Variants in NEK11 observed in about 807,000 individuals in gnomAD.
The protein encoded by NEK11 is NIMA related kinase 11.
In NEK11, 72 loss-of-function variants were observed where a neutral mutation model predicts 80.7. The ratio of observed to expected loss-of-function variants is 0.89; its 90% CI spans 0.74 to 1.08. NEK11 has a LOEUF of 1.08. Ranked by LOEUF, NEK11 falls within the 50% of genes least tolerant of loss-of-function variation. NEK11 has a pLI of 0.00. For missense variants in NEK11, 764 were observed against 763.6 expected (o/e 1.00, Z -0.01); for synonymous variants, 251 against 260.7 (o/e 0.96, Z 0.36).
At chr3:131,196,164 C>T (rs1337316876) in intron 14 of NEK11, among the ~76,000 whole-genome samples, 1 of 151,918 alleles carries the variant, frequency 6.6e-6, no homozygotes, top group Non-Finnish European at 1.5e-5. Context: ...TTAAGATTTT[C>T]CAGAGATATG....
intron 17 of NEK11, among the ~76,000 whole-genome samples, chr3:131,332,078 T>G (rs934895779): frequency 2.0e-5 from 3 of 152,174 alleles, no homozygotes; most frequent in Non-Finnish European, 4.4e-5. Context: ...TCTGCAGAAT[T>G]AAACGTCCCG....
Position 131,338,265 on chromosome 3 carries a change from GGTT to G in NEK11, c.1719-11291_1719-11289del, listed in dbSNP as rs1355136858. On this transcript the variant is annotated intron_variant, in intron 17 of 17. Coordinates refer to ENST00000383366, the MANE Select transcript of NEK11 (RefSeq NM_024800.5). ...CAGGCATGAGCCACGGCGCCCAGCTGGTTTTTTTTTTTTTTTTTTTTTTTTTAA... is the reference window on the plus strand; with the variant it reads ...CAGGCATGAGCCACGGCGCCCAGCTGTTTTTTTTTTTTTTTTTTTTTTTAA... Among the ~76,000 whole-genome samples, 49 of 91,598 alleles carry G rather than the reference GGTT, an allele frequency of 5.3e-4. 2 individuals carry two copies. Among genetic ancestry groups the G allele is most frequent in the African/African-American group, 1.8e-3 (38 of 20,594 alleles). 60.1% of individuals were successfully genotyped at this position (91,598 alleles called of 152,430 possible). A position where few individuals can be genotyped will look rare whatever the true frequency, so the allele number is the denominator to read the frequency against.
chr3:131,329,513 C>CTAATGGGTGA (rs1243679476), intron 17 of NEK11: 2 of 151,036 alleles, frequency 1.3e-5, no homozygotes, highest in African/African-American at 4.9e-5. Flanking sequence ...ACCTTATATT[C>CTAATGGGTGA]TAATGGGTGA....
intron 4 of NEK11, among the ~76,000 whole-genome samples, chr3:131,105,013 T>C (rs1431518079): frequency 2.0e-5 from 3 of 152,216 alleles, no homozygotes; most frequent in African/African-American, 7.2e-5. Context: ...GTTGCTTCTT[T>C]GATGAATCAA....
At chr3:131,178,498 A>G (rs2093165636) in intron 14 of NEK11, among the ~76,000 whole-genome samples, 1 of 152,120 alleles carries the variant, frequency 6.6e-6, no homozygotes, top group Admixed American at 6.5e-5. Context: ...TAACTTTTGA[A>G]TTCTTTGTTA....
At chr3:131,095,755 G>T (rs915236124) in intron 4 of NEK11, among the ~76,000 whole-genome samples, 4 of 152,082 alleles carry the variant, frequency 2.6e-5, no homozygotes, top group Non-Finnish European at 4.4e-5. Context: ...AAGAAGAGAG[G>T]AAAAAATTCC....
intron 3 of NEK11, among the ~76,000 whole-genome samples, chr3:131,037,288 ATT>A (rs11391510): frequency 9.6e-5 from 14 of 146,160 alleles, no homozygotes; most frequent in Admixed American, 1.4e-4. Flanking sequence ...AACTTCATCC[ATT>A]TTTTTTTTTT....
rs574815590 is a variant in NEK11, at chr3:131,325,291, A to G, written c.1719-24266A>G. 4.6e-5 allele frequency: 6 copies of G among 129,666 alleles called. No individual in the cohort carries two copies. The East Asian group carries it at 1.7e-3, about 36-fold the overall frequency. The allele number at this position is 129,666 out of a possible 1,614,324, so 8.0% of individuals were successfully genotyped here. A position where few individuals can be genotyped will look rare whatever the true frequency, so the allele number is the denominator to read the frequency against. On this transcript the variant is annotated intron_variant, in intron 17 of 17. Transcript: ENST00000383366. ...CAACAATTTTGAGCAAAAACAAGAAATAACTTATACCATTTACTTAAAGTG... is the reference window on the plus strand; with the variant it reads ...CAACAATTTTGAGCAAAAACAAGAAGTAACTTATACCATTTACTTAAAGTG...
chr3:131,249,034 G>C (rs770234634), intron 16 of NEK11, among the ~76,000 whole-genome samples: 6 of 150,768 alleles, frequency 4.0e-5, no homozygotes, highest in Non-Finnish European at 7.4e-5. Flanking sequence ...AAAGAAATGA[G>C]CATTAGAATC....
intron 17 of NEK11, among the ~76,000 whole-genome samples, chr3:131,297,438 T>G (rs1228692540): frequency 6.6e-6 from 1 of 151,756 alleles, no homozygotes; most frequent in Non-Finnish European, 1.5e-5. Flanking sequence ...TTTCATGTGT[T>G]TTTTGGCTGC....
chr3:131,242,957 A>C (rs2095541129), intron 15 of NEK11, among the ~76,000 whole-genome samples: 1 of 151,956 alleles, frequency 6.6e-6, no homozygotes, highest in Non-Finnish European at 1.5e-5. Flanking sequence ...TAGATTTAGC[A>C]CTCCTTGAAG....
At chr3:131,334,935 T>C (rs1337315716) in intron 17 of NEK11, among the ~76,000 whole-genome samples, 4 of 152,210 alleles carry the variant, frequency 2.6e-5, no homozygotes, top group Non-Finnish European at 1.5e-5. Flanking sequence ...GTTCAATCTC[T>C]GAATAGACCA....
At chr3:131,069,619 C>T (rs2072834817) in intron 3 of NEK11, among the ~76,000 whole-genome samples, 1 of 151,676 alleles carries the variant, frequency 6.6e-6, no homozygotes, top group African/African-American at 2.4e-5. Flanking sequence ...AAATGTGGCA[C>T]ATATACACCA....
In NEK11 at chr3:131,170,815, C is replaced by G. The variant is rs747128081; in HGVS notation, c.1327C>G (p.Pro443Ala). Residue 443 changes from proline (P) to alanine (A), a missense_variant, in exon 14 of 18, where the codon CCT becomes GCT. Physicochemically the swap from Pro to Ala is conservative, Grantham distance 27. Coordinates refer to ENST00000383366, the MANE Select transcript of NEK11 (RefSeq NM_024800.5). Reference protein sequence around the residue: ...PTLENLPESQPIPSMDLHELE... With the variant: ...PTLENLPESQAIPSMDLHELE... Reference sequence around the variant, plus strand: ...TTTAGAGAACCTGCCTGAGTCTCAGCCTATTCCTTCCATGGACCTCCACGA... The same window carrying G: ...TTTAGAGAACCTGCCTGAGTCTCAGGCTATTCCTTCCATGGACCTCCACGA... 2 of 1,614,094 alleles carry G rather than the reference C, an allele frequency of 1.2e-6. No individual in the cohort carries two copies. Among genetic ancestry groups the G allele is most frequent in the South Asian group, 2.2e-5 (2 of 91,074 alleles).
In NEK11 at chr3:131,280,491, G is replaced by A. The variant is rs539971789; in HGVS notation, c.1718+6917G>A. 1.4e-3 allele frequency among the ~76,000 whole-genome samples: 217 copies of A among 152,046 alleles called. 1 individual carries two copies. Among genetic ancestry groups the A allele is most frequent in the Middle Eastern group, 3.4e-3 (1 of 294 alleles). ...TAATCTACTGTTAATCTCATTCAGT[G>A]TATGTTTATAAATAGACATTATAAG... On this transcript the variant is annotated intron_variant, in intron 17 of 17. Transcript: ENST00000383366.
chr3:131,174,476 C>A (rs2092892082), intron 14 of NEK11, among the ~76,000 whole-genome samples: 1 of 152,170 alleles, frequency 6.6e-6, no homozygotes, highest in Admixed American at 6.5e-5. Flanking sequence ...TTTAATTAGT[C>A]TTTGAGGTTG....
At chr3:131,110,041 T>C (rs2079841256) in intron 5 of NEK11, 120 bp downstream of exon 5, 1 of 959,002 alleles carries the variant, frequency 1.0e-6, no homozygotes, top group Non-Finnish European at 1.5e-6. Context: ...ATGGCTAAAA[T>C]TAAACATCTA....
intron 17 of NEK11, among the ~76,000 whole-genome samples, chr3:131,300,447 C>G (rs2096648644): frequency 6.6e-6 from 1 of 152,114 alleles, no homozygotes; most frequent in African/African-American, 2.4e-5. Context: ...ATCATTAAAT[C>G]TTTGCCAAGG....
intron 12 of NEK11, among the ~76,000 whole-genome samples, chr3:131,168,260 C>G (rs940207913): frequency 2.0e-5 from 3 of 152,126 alleles, no homozygotes; most frequent in Non-Finnish European, 2.9e-5. Flanking sequence ...TGAAATGCAC[C>G]TTGATTGCCT....
Sources: gnomAD v4.1 joint callset for allele counts (sites outside exome capture counted in the v4.1 genomes callset) on GRCh38, gnomAD v4.1.1 for gene constraint, MANE v1.5 for transcripts, NCBI Gene and HGNC (gene_info 2026-07-23, HGNC 2026-07-21) for gene names.